KLRF1: variants seen among roughly 807,000 people sequenced by gnomAD.
KLRF1 encodes killer cell lectin like receptor F1.
A neutral mutation model predicts 30.7 loss-of-function variants in KLRF1; 27 were observed. The ratio of observed to expected loss-of-function variants is 0.88; its 90% CI spans 0.65 to 1.21. The LOEUF (loss-of-function observed/expected upper bound fraction) is 1.21, where lower values mean the gene tolerates loss of function less well. Ranked by LOEUF, KLRF1 falls within the 50% of genes most tolerant of loss-of-function variation. The pLI is 0.00. For missense variants in KLRF1, 246 were observed against 259.3 expected, an observed-to-expected ratio of 0.95 and a Z score of 0.35; for synonymous variants, 92 against 89.3, an observed-to-expected ratio of 1.03 and a Z score of -0.17.
At chr12:9,828,211 C>A (rs770540796) in intron 1 of KLRF1, among the ~76,000 whole-genome samples, 2 of 151,904 alleles carry the variant, frequency 1.3e-5, no homozygotes, top group Non-Finnish European at 2.9e-5. Flanking sequence ...TCCTGAGTAG[C>A]TGAGATTATA....
intron 3 of KLRF1, among the ~76,000 whole-genome samples, chr12:9,839,512 G>A (rs1041918333): frequency 1.3e-5 from 2 of 151,874 alleles, no homozygotes; most frequent in African/African-American, 4.8e-5. Context: ...AACATAGAAA[G>A]AACACTTATA....
At chr12:9,802,211 A>G in the KLRF1 span, among the ~76,000 whole-genome samples, 1 of 152,152 alleles carries the variant, frequency 6.6e-6, no homozygotes, top group Non-Finnish European at 1.5e-5. Context: ...GTAATCCGTC[A>G]CATAAACAGA....
intron 2 of KLRF1, 92 bp downstream of exon 2, chr12:9,832,506 T>C (rs1237077532): frequency 8.2e-6 from 6 of 734,678 alleles, no homozygotes; most frequent in Non-Finnish European, 1.4e-5. Flanking sequence ...CATTCTTCAC[T>C]ACATTAACCA....
chr12:9,808,933 GGA>G, the KLRF1 span, among the ~76,000 whole-genome samples: 1 of 152,074 alleles, frequency 6.6e-6, no homozygotes. Context: ...CCATTAGTTA[GGA>G]GAGAGATCAT....
chr12:9,802,435 T>C, the KLRF1 span, among the ~76,000 whole-genome samples: 1 of 152,092 alleles, frequency 6.6e-6, no homozygotes, highest in Non-Finnish European at 1.5e-5. Context: ...ACAAGACAAG[T>C]ATTTCCTCTC....
At chr12:9,805,130 A>G in the KLRF1 span, among the ~76,000 whole-genome samples, 1 of 151,964 alleles carries the variant, frequency 6.6e-6, no homozygotes, top group Admixed American at 6.6e-5. Context: ...GGCTTCAAGA[A>G]ATGAGTTGGG....
chr12:9,824,042 G>C (rs1867254721), upstream of KLRF1, among the ~76,000 whole-genome samples: 1 of 152,056 alleles, frequency 6.6e-6, no homozygotes. Context: ...AATTCTGCCA[G>C]ATGTACAGAG....
At chr12:9,806,932 C>T in the KLRF1 span, among the ~76,000 whole-genome samples, 4 of 152,104 alleles carry the variant, frequency 2.6e-5, no homozygotes. Flanking sequence ...ACCCTTCTGC[C>T]CAGCTTCTCA....
At chr12:9,810,917 T>C in the KLRF1 span, among the ~76,000 whole-genome samples, 2 of 151,982 alleles carry the variant, frequency 1.3e-5, no homozygotes, top group Non-Finnish European at 2.9e-5. Context: ...CCTCTGGGAG[T>C]TGGAGGTTGC....
the KLRF1 span, among the ~76,000 whole-genome samples, chr12:9,806,722 C>T: frequency 6.6e-6 from 1 of 152,020 alleles, no homozygotes; most frequent in Non-Finnish European, 1.5e-5. Context: ...GATTCTGTTG[C>T]CCAGACTGGA....
In KLRF1 at chr12:9,827,646, C is replaced by A; in HGVS notation, c.85+17C>A. ...CATTTAAAGGTATGGAATTTAATTTCATTTTTTCAATTGGTGTGAATTAAC... is the reference window on the plus strand; with the variant it reads ...CATTTAAAGGTATGGAATTTAATTTAATTTTTTCAATTGGTGTGAATTAAC... On this transcript the variant is annotated intron_variant, in intron 1 of 5. Coordinates refer to ENST00000617889, the MANE Select transcript of KLRF1 (RefSeq NM_016523.3). 1.4e-6 allele frequency: 2 copies of A among 1,449,444 alleles called. No homozygotes were observed. Among genetic ancestry groups the A allele is most frequent in the Non-Finnish European group, 1.9e-6 (2 of 1,033,346 alleles). 89.8% of individuals were successfully genotyped at this position (1,449,444 alleles called of 1,614,324 possible). A position where few individuals can be genotyped will look rare whatever the true frequency, so the allele number is the denominator to read the frequency against.
At chr12:9,844,335 T>A in intron 5 of KLRF1, 83 bp from the exon 6 acceptor site, 3 of 711,590 alleles carry the variant, frequency 4.2e-6, no homozygotes, top group Non-Finnish European at 7.3e-6. Flanking sequence ...TACTTTTTTA[T>A]TTAAAAGAGG....
chr12:9,820,514 G>A, the KLRF1 span, among the ~76,000 whole-genome samples: 5 of 152,102 alleles, frequency 3.3e-5, no homozygotes, highest in South Asian at 6.2e-4. Flanking sequence ...TGCATCCCTC[G>A]CTCTGTCTCC....
chr12:9,805,122 C>G, the KLRF1 span, among the ~76,000 whole-genome samples: 1 of 151,930 alleles, frequency 6.6e-6, no homozygotes, highest in Admixed American at 6.6e-5. Context: ...GTGTTGTTGG[C>G]TTCAAGAAAT....
the KLRF1 span, among the ~76,000 whole-genome samples, chr12:9,822,289 C>T: frequency 6.6e-6 from 1 of 152,160 alleles, no homozygotes; most frequent in Non-Finnish European, 1.5e-5. Flanking sequence ...AATACAAAAG[C>T]TGACAGACAG....
chr12:9,802,581 G>A, the KLRF1 span, among the ~76,000 whole-genome samples: 1 of 151,988 alleles, frequency 6.6e-6, no homozygotes, highest in African/African-American at 2.4e-5. Flanking sequence ...TCTATATTTA[G>A]AAAACCCCAT....
the KLRF1 span, among the ~76,000 whole-genome samples, chr12:9,815,650 T>C: frequency 4.7e-3 from 714 of 152,350 alleles, 3 homozygotes; most frequent in African/African-American, 0.017. Flanking sequence ...TTGGTGTGTT[T>C]CTTGGGTTGG....
chr12:9,811,087 A>G, the KLRF1 span, among the ~76,000 whole-genome samples: 2 of 152,038 alleles, frequency 1.3e-5, no homozygotes, highest in Non-Finnish European at 2.9e-5. Context: ...CCATTTGGGA[A>G]CCATCCTAAA....
rs186624059 is a variant in KLRF1 at position 9,837,896 on chromosome 12, A to G, written c.335-3916A>G. On this transcript the variant is annotated intron_variant, in intron 3 of 5. Coordinates refer to ENST00000617889, the MANE Select transcript of KLRF1 (RefSeq NM_016523.3). Reference sequence around the variant, plus strand: ...TCACCTGACTTGAATCAAAATTACTACTGATAGCAAGGCCACCTCTTTGCT... The same window carrying G: ...TCACCTGACTTGAATCAAAATTACTGCTGATAGCAAGGCCACCTCTTTGCT... Among the ~76,000 whole-genome samples, 9 of 152,276 alleles carry G rather than the reference A, an allele frequency of 5.9e-5. No individual in the cohort carries two copies. In the East Asian group the frequency reaches 1.7e-3, roughly 29 times the overall value.
Sources: allele counts gnomAD v4.1 joint callset (sites outside exome capture counted in the v4.1 genomes callset), GRCh38; gene constraint gnomAD v4.1.1; transcripts MANE v1.5; gene names NCBI Gene and HGNC (gene_info 2026-07-23, HGNC 2026-07-21).